Variants in KIRREL3 observed in about 807,000 individuals in gnomAD.
KIRREL3 encodes the protein kin of IRRE-like protein 3.
KIRREL3 carries 36 observed loss-of-function variants against 89.7 expected under a neutral mutation model. The ratio of observed to expected loss-of-function variants is 0.40; its 90% CI spans 0.31 to 0.53. KIRREL3 has a LOEUF of 0.53. Among genes scored for constraint, KIRREL3 ranks in the 20% least tolerant of loss-of-function variants. KIRREL3 has a pLI of 0.49. For synonymous variants in KIRREL3, 445 were observed against 441.4 expected (o/e 1.01, Z -0.10); for missense variants, 864 against 1,056.6 (o/e 0.82, Z 2.53).
rs1951170095 is a variant in KIRREL3, at chr11:126,805,306, T to C, written c.55+195149A>G. On this transcript the variant is annotated intron_variant, in intron 1 of 16. Coordinates refer to ENST00000525144, the MANE Select transcript of KIRREL3 (RefSeq NM_032531.4). This position sits in a 1 kb window ranked among gnomAD's most constrained non-coding sequence, Gnocchi z 4.3. ...CTGAAGGTCAGGAGAAGGGCTGCCA[T>C]TCATCAGTCAGCATTGATATGGAGA... Among the ~76,000 whole-genome samples the C allele has an allele frequency of 6.6e-6, 1 of 152,162 alleles. No individual in the cohort carries two copies. The highest frequency in any genetic ancestry group is 2.4e-5 in the African/African-American group (1 of 41,434).
chr11:126,970,078 C>A lies in KIRREL3; in HGVS notation c.55+30377G>T, dbSNP rs1186143625. ...TCACAGCCAAGCTGCCCTAGGTTGT[C>A]ACCTAGGGACGGAACAGGAAAATGC... On this transcript the variant is annotated intron_variant, in intron 1 of 16. Coordinates refer to ENST00000525144, the MANE Select transcript of KIRREL3 (RefSeq NM_032531.4). The surrounding 1 kb of genome is among the most constrained non-coding windows in gnomAD (Gnocchi z 4.4). 6.6e-6 allele frequency among the ~76,000 whole-genome samples: 1 copy of A among 152,182 alleles called. No homozygotes were observed. Among genetic ancestry groups the A allele is most frequent in the South Asian group, 2.1e-4 (1 of 4,828 alleles).
chr11:126,622,318 A>T lies in KIRREL3; in HGVS notation c.56-59406T>A. ...AAAAATGGTGACACATTTTATCTCAAGTTGAACTTTGCATCCCCATTCTCT... is the reference window on the plus strand; with the variant it reads ...AAAAATGGTGACACATTTTATCTCATGTTGAACTTTGCATCCCCATTCTCT... On this transcript the variant is annotated intron_variant, in intron 1 of 16. Transcript: ENST00000525144. This position sits in a 1 kb window ranked among gnomAD's most constrained non-coding sequence, Gnocchi z 5.2. 6.6e-6 allele frequency among the ~76,000 whole-genome samples: 1 copy of T among 152,178 alleles called. No homozygotes were observed. Among genetic ancestry groups the T allele is most frequent in the East Asian group, 1.9e-4 (1 of 5,202 alleles).
At chr11:126,644,208 G>A (rs1200017421) in intron 1 of KIRREL3, among the ~76,000 whole-genome samples, 1 of 152,226 alleles carries the variant, frequency 6.6e-6, no homozygotes, top group East Asian at 1.9e-4. Flanking sequence ...TGAGAACTGG[G>A]AACTGGAAAA....
intron 1 of KIRREL3, among the ~76,000 whole-genome samples, chr11:126,613,924 G>A (rs1385513761): frequency 3.8e-5 from 5 of 132,114 alleles, no homozygotes; most frequent in African/African-American, 1.5e-4. Flanking sequence ...TATCTAGCAG[G>A]GGAGTGAACC....
Position 126,699,066 on chromosome 11 carries a change from G to T in KIRREL3, c.56-136154C>A, listed in dbSNP as rs371946901. Among the ~76,000 whole-genome samples the T allele has an allele frequency of 2.3e-3, 347 of 152,298 alleles. 2 individuals carry two copies. The highest frequency in any genetic ancestry group is 8.1e-3 in the African/African-American group (337 of 41,560). The stretch of plus-strand genomic sequence containing the variant: ...GGGTCCTAAGTAGTTACTGGAAGGG[G>T]TGCCAGGAGAGAGGCAGGACAGGTC... On this transcript the variant is annotated intron_variant, in intron 1 of 16. Coordinates refer to ENST00000525144, the MANE Select transcript of KIRREL3 (RefSeq NM_032531.4).
At chr11:126,718,352 C>A (rs907299739) in intron 1 of KIRREL3, among the ~76,000 whole-genome samples, 4 of 151,102 alleles carry the variant, frequency 2.6e-5, no homozygotes, top group African/African-American at 7.4e-5. Context: ...GTGCAAGTTG[C>A]GGAACCCAAC....
rs1944552008 is a variant in KIRREL3, at chr11:126,643,544, G to A, written c.56-80632C>T. 1.3e-5 allele frequency among the ~76,000 whole-genome samples: 2 copies of A among 152,160 alleles called. No homozygotes were observed. Among genetic ancestry groups the A allele is most frequent in the African/African-American group, 4.8e-5 (2 of 41,430 alleles). On this transcript the variant is annotated intron_variant, in intron 1 of 16. Transcript: ENST00000525144. The surrounding 1 kb of genome is among the most constrained non-coding windows in gnomAD (Gnocchi z 4.5). The stretch of plus-strand genomic sequence containing the variant: ...AATAGGACTGAAGATGTAGGCTGAG[G>A]CGATATCATGGCAAATCTTTATCTC...
chr11:126,800,077 A>G lies in KIRREL3; in HGVS notation c.55+200378T>C, dbSNP rs117941466. On this transcript the variant is annotated intron_variant, in intron 1 of 16. Coordinates refer to ENST00000525144, the MANE Select transcript of KIRREL3 (RefSeq NM_032531.4). ...TGAGGACCATTCCTGACACTGTTGC[A>G]GGCCACCTCTAACCAGATCTCCAGG... Among the ~76,000 whole-genome samples the G allele has an allele frequency of 6.7e-3, 1,024 of 152,324 alleles. 6 individuals carry two copies. The highest frequency in any genetic ancestry group is 0.02 in the Middle Eastern group (6 of 294).
intron 4 of KIRREL3, among the ~76,000 whole-genome samples, chr11:126,511,246 C>T (rs1958209762): frequency 6.6e-6 from 1 of 151,916 alleles, no homozygotes; most frequent in African/African-American, 2.4e-5. Flanking sequence ...ATTGCTTGAA[C>T]CTGGGAGGCA....
In KIRREL3 at chr11:126,519,107, A is replaced by G. The variant is rs1045836576; in HGVS notation, c.433+2208T>C. ...TCCTTCCGCTGATCTCCAGACTTGA[A>G]TAAAACATCTCCCCCATACAAACCC... is the stretch of plus-strand genomic sequence containing the variant. On this transcript the variant is annotated intron_variant, in intron 4 of 16. Coordinates refer to ENST00000525144, the MANE Select transcript of KIRREL3 (RefSeq NM_032531.4). The surrounding 1 kb of genome is among the most constrained non-coding windows in gnomAD (Gnocchi z 4.3). Among the ~76,000 whole-genome samples the G allele has an allele frequency of 6.6e-6, 1 of 152,212 alleles. No individual in the cohort carries two copies. The highest frequency in any genetic ancestry group is 2.4e-5 in the African/African-American group (1 of 41,454).
chr11:126,831,515 A>G (rs1658144250), intron 1 of KIRREL3, among the ~76,000 whole-genome samples: 1 of 151,938 alleles, frequency 6.6e-6, no homozygotes, highest in African/African-American at 2.4e-5. Context: ...GCCCTGACTG[A>G]AAGCATTCTT....
Position 126,918,417 on chromosome 11 carries a change from C to A in KIRREL3, c.55+82038G>T, listed in dbSNP as rs750843134. Among the ~76,000 whole-genome samples the A allele has an allele frequency of 1.3e-5, 2 of 152,298 alleles. No homozygotes were observed. The highest frequency in any genetic ancestry group is 2.9e-5 in the Non-Finnish European group (2 of 68,018). ...CTTTAGACCATCCAGGTAGTTTTAG[C>A]GTAAGGAGTGAAGTCTTTGTAAACT... On this transcript the variant is annotated intron_variant, in intron 1 of 16. Coordinates refer to ENST00000525144, the MANE Select transcript of KIRREL3 (RefSeq NM_032531.4). The surrounding 1 kb of genome is among the most constrained non-coding windows in gnomAD (Gnocchi z 6.5).
intron 1 of KIRREL3, among the ~76,000 whole-genome samples, chr11:126,873,433 G>A (rs563962731): frequency 6.6e-5 from 10 of 152,236 alleles, no homozygotes; most frequent in African/African-American, 1.2e-4. Flanking sequence ...GAGCGATGCC[G>A]GGCTGTTTGT....
In KIRREL3 at chr11:126,931,536, G is replaced by T. The variant is rs963116190; in HGVS notation, c.55+68919C>A. 6.6e-6 allele frequency among the ~76,000 whole-genome samples: 1 copy of T among 152,120 alleles called. No individual in the cohort carries two copies. Among genetic ancestry groups the T allele is most frequent in the Non-Finnish European group, 1.5e-5 (1 of 68,024 alleles). ...CAATCTTAAATACGTTCTTCTGAAG[G>T]CTCCCTTAAGTAAGCCCTCTTGGCT... On this transcript the variant is annotated intron_variant, in intron 1 of 16. Coordinates refer to ENST00000525144, the MANE Select transcript of KIRREL3 (RefSeq NM_032531.4). The surrounding 1 kb of genome is among the most constrained non-coding windows in gnomAD (Gnocchi z 5.1).
At position 126,655,988 on chromosome 11, in the gene KIRREL3, A is replaced by G. The variant is rs867488591; in HGVS notation, c.56-93076T>C. The G allele has an allele frequency of 4.4e-5, 12 of 271,968 alleles. No individual in the cohort carries two copies. Among genetic ancestry groups the G allele is most frequent in the South Asian group, 3.6e-4 (10 of 27,642 alleles). The allele number at this position is 271,968 out of a possible 1,614,324, so 16.8% of individuals were successfully genotyped here. A position where few individuals can be genotyped will look rare whatever the true frequency, so the allele number is the denominator to read the frequency against. On this transcript the variant is annotated intron_variant, in intron 1 of 16. Coordinates refer to ENST00000525144, the MANE Select transcript of KIRREL3 (RefSeq NM_032531.4). The surrounding 1 kb of genome is among the most constrained non-coding windows in gnomAD (Gnocchi z 5.0). ...TGGGTGGGGCTGAAGGAGGGGTGGG[A>G]GGAGGCCTTAGAAGCTAATTAGAAT...
rs889502446 is a variant in KIRREL3 at position 126,705,918 on chromosome 11, C to T, written c.56-143006G>A. ...TCTGCTTGCAGTCACTTAGAATGCT[C>T]CTTTTCAGAATCTGGCCCCTGTGCT... is the stretch of plus-strand genomic sequence containing the variant. On this transcript the variant is annotated intron_variant, in intron 1 of 16. Transcript: ENST00000525144. This position sits in a 1 kb window ranked among gnomAD's most constrained non-coding sequence, Gnocchi z 4.3. Among the ~76,000 whole-genome samples, 1 of 152,160 alleles carries T rather than the reference C, an allele frequency of 6.6e-6. No individual in the cohort carries two copies. The highest frequency in any genetic ancestry group is 2.1e-4 in the South Asian group (1 of 4,822).
chr11:126,453,634 G>A (rs1361232686), intron 7 of KIRREL3, among the ~76,000 whole-genome samples: 1 of 152,158 alleles, frequency 6.6e-6, no homozygotes, highest in Non-Finnish European at 1.5e-5. Context: ...AAGGGGCTGA[G>A]CGAGTGTGGG....
intron 1 of KIRREL3, among the ~76,000 whole-genome samples, chr11:126,863,622 T>A (rs112349424): frequency 3.9e-4 from 16 of 41,206 alleles, no homozygotes; most frequent in African/African-American, 1.2e-3. Flanking sequence ...TGCGTGTGTG[T>A]GTGTTTGAGT....
At position 126,640,186 on chromosome 11, in the gene KIRREL3, C is replaced by G. The variant is rs1373389476; in HGVS notation, c.56-77274G>C. ...TTTTCTGTCTATCTCACTCACCCTT[C>G]AGCTGGTGAGTGGTCCCCGAGAGCT... On this transcript the variant is annotated intron_variant, in intron 1 of 16. Transcript: ENST00000525144. This position sits in a 1 kb window ranked among gnomAD's most constrained non-coding sequence, Gnocchi z 4.9. 6.6e-6 allele frequency among the ~76,000 whole-genome samples: 1 copy of G among 152,130 alleles called. No homozygotes were observed. Among genetic ancestry groups the G allele is most frequent in the African/African-American group, 2.4e-5 (1 of 41,422 alleles).
Sources: gnomAD v4.1 joint callset for allele counts (sites outside exome capture counted in the v4.1 genomes callset) on GRCh38, gnomAD v4.1.1 for gene constraint, Gnocchi (gnomAD v3.1) non-coding constraint, MANE v1.5 for transcripts, NCBI Gene and HGNC (gene_info 2026-07-23, HGNC 2026-07-21) for gene names.